The following DNAH17 variants were observed in gnomAD, a reference collection of about 807,000 sequenced individuals.
DNAH17 encodes the protein axonemal beta dynein heavy chain 17.
Under a neutral mutation model 485.6 loss-of-function variants are expected in DNAH17, and 376 were observed. The ratio of observed to expected loss-of-function variants is 0.77; its 90% CI spans 0.71 to 0.84. DNAH17 has a LOEUF of 0.84. DNAH17 is among the 40% of genes least tolerant of loss of function. DNAH17 has a pLI of 0.00. For synonymous variants in DNAH17, 3,031 were observed against 2,405.9 expected, an observed-to-expected ratio of 1.26 and a Z score of -7.60; for missense variants, 6,370 against 5,839.3, an observed-to-expected ratio of 1.09 and a Z score of -2.96.
At chr17:78,500,931 T>C (rs1417968879) in intron 35 of DNAH17, 1 of 360,484 alleles carries the variant, frequency 2.8e-6, no homozygotes, top group Non-Finnish European at 4.9e-6. Flanking sequence ...AACCAGAGTC[T>C]GCTCATGAGG....
chr17:78,514,763 G>T lies in DNAH17; in HGVS notation c.4113+11C>A, dbSNP rs778673101. 2.5e-6 allele frequency: 4 copies of T among 1,612,878 alleles called. No homozygotes were observed. Among genetic ancestry groups the T allele is most frequent in the Non-Finnish European group, 3.4e-6 (4 of 1,179,288 alleles). ...GGGGCGGTCCCCTCCGCCCACCATG[G>T]TGCATGGTACCTGGGTGGCCTGCAT... On this transcript the variant is annotated intron_variant, in intron 26 of 80. Coordinates refer to ENST00000389840, the MANE Select transcript of DNAH17 (RefSeq NM_173628.4).
intron 47 of DNAH17, 56 bp from the exon 48 acceptor site, chr17:78,485,089 A>G: frequency 6.6e-7 from 1 of 1,525,886 alleles, no homozygotes; most frequent in South Asian, 1.3e-5. Context: ...AGAGCCTGTT[A>G]GGTAGGGAGG....
chr17:78,545,402 TAG>T (rs1422111493), intron 16 of DNAH17, among the ~76,000 whole-genome samples: 2 of 152,196 alleles, frequency 1.3e-5, no homozygotes, highest in Non-Finnish European at 2.9e-5. Context: ...CTCACAGGTT[TAG>T]AGGTTAGAAA....
intron 75 of DNAH17, among the ~76,000 whole-genome samples, chr17:78,432,904 C>CCCCA (rs2086727539): frequency 8.9e-6 from 1 of 112,938 alleles, no homozygotes; most frequent in African/African-American, 3.5e-5. Flanking sequence ...TCAAACGTGC[C>CCCCA]CCCCCCCCCC....
rs760846998 is a variant in DNAH17 at position 78,492,687 on chromosome 17, T to C, written c.6487A>G (p.Thr2163Ala). The C allele has an allele frequency of 3.1e-6, 5 of 1,613,594 alleles. No individual in the cohort carries two copies. The East Asian group carries it at 8.9e-5, about 29-fold the overall frequency. The change falls in exon 42 of 81, where the codon ACC becomes GCC. Residue 2163 changes from threonine to alanine, a missense_variant. Transcript: ENST00000389840. ...ATGATGCCAAAGAGCTCGTCGCAGG[T>C]GACGGCCTTGGGGTCCAGGTCCACG... ...VAVDLDPKAV[T>A]CDELFGIINP...
At position 78,570,222 on chromosome 17, in the gene DNAH17, G is replaced by A. The variant is rs777399434; in HGVS notation, c.1044+25C>T. On this transcript the variant is annotated intron_variant, in intron 7 of 80. Coordinates refer to ENST00000389840, the MANE Select transcript of DNAH17 (RefSeq NM_173628.4). ...GACCCAGCCAGGAGGGGAGGAAGGG[G>A]ACCCAGGGGCCAGGGGAGGGTTACC... 63 of 1,562,702 alleles carry A rather than the reference G, an allele frequency of 4.0e-5. No homozygotes were observed. The East Asian group carries it at 1.4e-3, about 35-fold the overall frequency.
intron 1 of DNAH17, among the ~76,000 whole-genome samples, chr17:78,576,275 C>G (rs948698868): frequency 6.6e-6 from 1 of 152,134 alleles, no homozygotes; most frequent in African/African-American, 2.4e-5. Flanking sequence ...CACTATATAT[C>G]GGCAAAACAA....
In DNAH17 at chr17:78,490,840, G is replaced by A; in HGVS notation, c.6677C>T (p.Thr2226Ile). 6.3e-7 allele frequency: 1 copy of A among 1,598,564 alleles called. No homozygotes were observed. The highest frequency in any genetic ancestry group is 1.1e-5 in the South Asian group (1 of 88,448). ...GGGGATCCGCTCGTTGCTGGCCAGG[G>A]TGAGGACCTAGGAGGGGGACAGCAG... Reference protein sequence around the residue: ...NTVMDDNKVLTLASNERIPLN... With the variant: ...NTVMDDNKVLILASNERIPLN... The change falls in exon 44 of 81, where the codon ACC becomes ATC. Residue 2226 changes from threonine to isoleucine, a missense_variant. By Grantham distance (89) the Thr-to-Ile change is moderately conservative (BLOSUM62 -1). Coordinates refer to ENST00000389840, the MANE Select transcript of DNAH17 (RefSeq NM_173628.4).
rs752373240 is a variant in DNAH17, at chr17:78,425,471, A to G, written c.13016T>C (p.Met4339Thr). 6 of 1,613,778 alleles carry G rather than the reference A, an allele frequency of 3.7e-6. No homozygotes were observed. In the Admixed American group the frequency reaches 1.0e-4, roughly 27 times the overall value. The change falls in exon 80 of 81, where the codon ATG becomes ACG. Residue 4339 changes from methionine (M) to threonine (T), a missense_variant. Met to Thr is a moderately conservative substitution (Grantham distance 81). Coordinates refer to ENST00000389840, the MANE Select transcript of DNAH17 (RefSeq NM_173628.4). The part of the protein sequence containing the change: ...QSFLTAIMQS[M>T]ARKNEWPLDK... ...CAGGGGCCACTCGTTCTTCCTGGCC[A>G]TGGACTGCATGATGGCCGTGAGGAA...
Position 78,505,287 on chromosome 17 carries a change from A to T in DNAH17, c.4956+6T>A. On this transcript the variant is annotated splice_donor_region_variant and intron_variant, in intron 31 of 80. Coordinates refer to ENST00000389840, the MANE Select transcript of DNAH17 (RefSeq NM_173628.4). ...GGTTCCCTGTGTGGTGTGCGCACAC[A>T]CTCACCTGCCCCGAGAGGTCGCATT... 1 of 1,613,616 alleles carries T rather than the reference A, an allele frequency of 6.2e-7. No individual in the cohort carries two copies. Among genetic ancestry groups the T allele is most frequent in the Non-Finnish European group, 8.5e-7 (1 of 1,179,748 alleles).
At chr17:78,522,462 T>C in intron 25 of DNAH17, 1 of 321,258 alleles carries the variant, frequency 3.1e-6, no homozygotes, top group African/African-American at 2.2e-5. Context: ...GTGGAGGCAC[T>C]GGCAACATCA....
At chr17:78,561,038 G>T in intron 12 of DNAH17, 103 bp from the exon 13 acceptor site, 1 of 1,109,808 alleles carries the variant, frequency 9.0e-7, no homozygotes, top group Non-Finnish European at 1.3e-6. Context: ...GAAGCGGCCG[G>T]CCACCCAATT....
At position 78,462,526 on chromosome 17, in the gene DNAH17, G is replaced by C. The variant is rs1320290121; in HGVS notation, c.9174+318C>G. Among the ~76,000 whole-genome samples, 9 of 152,158 alleles carry C rather than the reference G, an allele frequency of 5.9e-5. No individual in the cohort carries two copies. In the South Asian group the frequency reaches 1.7e-3, roughly 28 times the overall value. On this transcript the variant is annotated intron_variant, in intron 57 of 80. Transcript: ENST00000389840. ...CATGGTATGAATGGTATTTACGAATGAACAAATGCATTTGTATTGACTGCA... is the reference window on the plus strand; with the variant it reads ...CATGGTATGAATGGTATTTACGAATCAACAAATGCATTTGTATTGACTGCA...
rs150017224 is a variant in DNAH17 at position 78,564,952 on chromosome 17, C to A, written c.1569+1662G>T. 6.6e-5 allele frequency among the ~76,000 whole-genome samples: 10 copies of A among 152,222 alleles called. No homozygotes were observed. In the East Asian group the frequency reaches 1.7e-3, roughly 26 times the overall value. ...GAGCCTTCTGAGAAAGGGAATGTTG[C>A]CAGATTCTTTGCTTAGCCAAAGATT... On this transcript the variant is annotated intron_variant, in intron 11 of 80. Coordinates refer to ENST00000389840, the MANE Select transcript of DNAH17 (RefSeq NM_173628.4).
Position 78,551,583 on chromosome 17 carries a change from C to A in DNAH17, c.2343G>T (p.Arg781Ser), listed in dbSNP as rs1472682171. The stretch of plus-strand genomic sequence containing the variant: ...CTATATTTTGTTTTGCCTTTTGCAT[C>A]CTGTTCTGCAAGTTGTGCAGAATTT... ...VREILHNLQN[R>S]MQKAKQNIEG... The change falls in exon 16 of 81, where the codon AGG (arginine) becomes AGT (serine). Residue 781 changes from arginine to serine, a missense_variant. By Grantham distance (110) the Arg-to-Ser change is moderately radical. Transcript: ENST00000389840. 2 of 1,613,868 alleles carry A rather than the reference C, an allele frequency of 1.2e-6. No individual in the cohort carries two copies. The highest frequency in any genetic ancestry group is 1.7e-6 in the Non-Finnish European group (2 of 1,179,900).
At chr17:78,566,548 C>T (rs1403441994) in intron 11 of DNAH17, 66 bp downstream of exon 11, 1 of 1,201,742 alleles carries the variant, frequency 8.3e-7, no homozygotes, top group African/African-American at 1.5e-5. Context: ...CAAGATCGTT[C>T]TCGACATGAA....
At chr17:78,572,940 GCTCGGCAA>G (rs746263963) in intron 2 of DNAH17, 46 bp from the exon 3 acceptor site, 1 of 1,563,262 alleles carries the variant, frequency 6.4e-7, no homozygotes, top group South Asian at 1.2e-5. Flanking sequence ...GCCTTCACCA[GCTCGGCAA>G]CCGCACAGAG....
In DNAH17 at chr17:78,529,475, C is replaced by A; in HGVS notation, c.3504G>T (p.Leu1168=). The change falls in exon 22 of 81, where the codon CTG becomes CTT. Residue 1168 remains leucine (L), a synonymous_variant. Transcript: ENST00000389840. ...EEMPEEIHLK[L]QELPEHWANT... ...GCCACACCCACCCACCACGTACCTG[C>A]AGCTTCAAGTGGATCTCCTCTGGCA... The A allele has an allele frequency of 1.2e-6, 2 of 1,613,866 alleles. No homozygotes were observed. The highest frequency in any genetic ancestry group is 1.7e-4 in the Middle Eastern group (1 of 6,060).
chr17:78,470,067 CTCTT>C (rs1241896511), intron 54 of DNAH17, among the ~76,000 whole-genome samples: 1 of 83,504 alleles, frequency 1.2e-5, no homozygotes, highest in Admixed American at 1.6e-4. Context: ...AAATGTCTTA[CTCTT>C]TTTTTTTTTT....
Sources: gnomAD v4.1 joint callset for allele counts (sites outside exome capture counted in the v4.1 genomes callset) on GRCh38, gnomAD v4.1.1 for gene constraint, MANE v1.5 for transcripts, NCBI Gene and HGNC (gene_info 2026-07-23, HGNC 2026-07-21) for gene names.